The following HDAC9 variants were observed in gnomAD, a reference collection of about 807,000 sequenced individuals.
The protein encoded by HDAC9 is histone deacetylase 9.
Under a neutral mutation model 139.4 loss-of-function variants are expected in HDAC9, and 41 were observed. That is an observed-to-expected ratio of 0.29 (90% CI 0.23 to 0.38). The LOEUF (loss-of-function observed/expected upper bound fraction) is 0.38. Ranked by LOEUF, HDAC9 falls within the 10% of genes least tolerant of loss-of-function variation. The pLI is 1.00. For missense variants in HDAC9, 1,147 were observed against 1,297.0 expected, an observed-to-expected ratio of 0.88 and a Z score of 1.78; for synonymous variants, 517 against 476.2, an observed-to-expected ratio of 1.09 and a Z score of -1.12.
intron 1 of HDAC9, among the ~76,000 whole-genome samples, chr7:18,333,016 A>T (rs948739833): frequency 6.6e-6 from 1 of 151,606 alleles, no homozygotes; most frequent in Non-Finnish European, 1.5e-5. Context: ...TGCCAAATAT[A>T]GTTGCTGATA....
rs139159685 is a variant in HDAC9 at position 18,537,656 on chromosome 7, C to A, written c.22+41332C>A. Among the ~76,000 whole-genome samples, 263 of 152,172 alleles carry A rather than the reference C, an allele frequency of 1.7e-3. 2 individuals are homozygous for A. Among genetic ancestry groups the A allele is most frequent in the African/African-American group, 5.1e-3 (213 of 41,528 alleles). ...TAAAGCCAGAAGTAACCTTAAGGTT[C>A]TAAGTCCTTGGAAATTCCCTTACAT... On this transcript the variant is annotated intron_variant, in intron 2 of 25. Coordinates refer to ENST00000686413, the MANE Select transcript of HDAC9 (RefSeq NM_178425.4).
At chr7:18,253,793 C>T (rs970240098) in intron 2 of HDAC9, among the ~76,000 whole-genome samples, 1 of 152,182 alleles carries the variant, frequency 6.6e-6, no homozygotes, top group Non-Finnish European at 1.5e-5. Flanking sequence ...CCAGTGGATC[C>T]TCTGCATTTG....
intron 22 of HDAC9, among the ~76,000 whole-genome samples, chr7:18,895,232 G>A (rs543176203): frequency 2.4e-4 from 36 of 152,258 alleles, no homozygotes; most frequent in Middle Eastern, 6.8e-3. Flanking sequence ...CTCAGGCCCC[G>A]CTAGGCAGAG....
chr7:18,873,189 T>A (rs1479285854), intron 21 of HDAC9, among the ~76,000 whole-genome samples: 2 of 152,130 alleles, frequency 1.3e-5, no homozygotes, highest in Non-Finnish European at 2.9e-5. Flanking sequence ...GTATTTGAAA[T>A]TTTTAATTGT....
At chr7:18,442,727 T>C (rs1791904427) in intron 1 of HDAC9, among the ~76,000 whole-genome samples, 1 of 152,248 alleles carries the variant, frequency 6.6e-6, no homozygotes, top group South Asian at 2.1e-4. Context: ...TAGACTCTAG[T>C]GTCATGGAAA....
chr7:18,328,677 T>C (rs547736026), intron 1 of HDAC9, among the ~76,000 whole-genome samples: 1 of 152,050 alleles, frequency 6.6e-6, no homozygotes, highest in African/African-American at 2.4e-5. Flanking sequence ...GTCCTTTTAA[T>C]GTGCTTTTGA....
At chr7:18,149,828 A>C (rs2529747) in intron 1 of HDAC9, among the ~76,000 whole-genome samples, 11 of 152,034 alleles carry the variant, frequency 7.2e-5, no homozygotes, top group Non-Finnish European at 1.5e-4. Flanking sequence ...TGCTGGGATT[A>C]CAGGCATAAG....
Position 18,908,239 on chromosome 7 carries a change from TA to T in HDAC9, c.2804-27562del, listed in dbSNP as rs554234585. Among the ~76,000 whole-genome samples, 6 of 152,040 alleles carry T rather than the reference TA, an allele frequency of 3.9e-5. No individual in the cohort carries two copies. In the East Asian group the frequency reaches 5.8e-4, roughly 15 times the overall value. On this transcript the variant is annotated intron_variant, in intron 22 of 25. Coordinates refer to ENST00000686413, the MANE Select transcript of HDAC9 (RefSeq NM_178425.4). ...TAATTTTTTTATTCTTTGTACTCTT[TA>T]AAAAAAATTTTAATTGACACATAAT...
In HDAC9 at chr7:18,719,331, C is replaced by CTTTTTTTTTTTTTTTTTTTTTTTTTTT. The variant is rs757689693; in HGVS notation, c.1732-8223_1732-8222insTTTTTTTTTTTTTTTTTTTTTTTTTTT. 2.7e-4 allele frequency among the ~76,000 whole-genome samples: 20 copies of CTTTTTTTTTTTTTTTTTTTTTTTTTTT among 73,914 alleles called. 1 individual carries two copies. Among genetic ancestry groups the CTTTTTTTTTTTTTTTTTTTTTTTTTTT allele is most frequent in the African/African-American group, 4.6e-4 (7 of 15,206 alleles). The allele number at this position is 73,914 out of a possible 152,430, so 48.5% of individuals were successfully genotyped here. ...CTAATTAACCTATTTTTTTCTCTTCCTTTTTTTTTTTTTTTTTTTTTTTTT... is the reference window on the plus strand; with the variant it reads ...CTAATTAACCTATTTTTTTCTCTTCCTTTTTTTTTTTTTTTTTTTTTTTTTTTTTTTTTTTTTTTTTTTTTTTTTTTT... On this transcript the variant is annotated intron_variant, in intron 12 of 25. Coordinates refer to ENST00000686413, the MANE Select transcript of HDAC9 (RefSeq NM_178425.4).
intron 1 of HDAC9, among the ~76,000 whole-genome samples, chr7:18,436,198 C>T (rs929386219): frequency 2.6e-4 from 40 of 152,092 alleles, no homozygotes; most frequent in Non-Finnish European, 2.4e-4. Context: ...AGTAGTTTTA[C>T]AAAAATTGAT....
chr7:18,670,210 A>G (rs1320908731), intron 12 of HDAC9, among the ~76,000 whole-genome samples: 1 of 152,120 alleles, frequency 6.6e-6, no homozygotes, highest in Middle Eastern at 3.4e-3. Context: ...ACTTGGAGAT[A>G]CAAAAGAAGG....
At chr7:18,540,200 G>A (rs1410248216) in intron 2 of HDAC9, among the ~76,000 whole-genome samples, 4 of 143,776 alleles carry the variant, frequency 2.8e-5, no homozygotes, top group African/African-American at 7.8e-5. Flanking sequence ...TTGAACCCGG[G>A]AAGCGGAGGT....
chr7:18,695,499 G>A (rs1782981392), intron 12 of HDAC9, among the ~76,000 whole-genome samples: 1 of 152,168 alleles, frequency 6.6e-6, no homozygotes, highest in African/African-American at 2.4e-5. Context: ...TCTTAACACA[G>A]CATAGTGACA....
At chr7:18,920,361 T>A (rs1322210077) in intron 22 of HDAC9, among the ~76,000 whole-genome samples, 3 of 152,176 alleles carry the variant, frequency 2.0e-5, no homozygotes, top group Non-Finnish European at 2.9e-5. Context: ...GAGACTTTGC[T>A]GAAGTTGCTT....
Position 18,585,431 on chromosome 7 carries a change from A to G in HDAC9, c.173A>G (p.Gln58Arg). 1 of 1,614,012 alleles carries G rather than the reference A, an allele frequency of 6.2e-7. No homozygotes were observed. Among genetic ancestry groups the G allele is most frequent in the Non-Finnish European group, 8.5e-7 (1 of 1,179,886 alleles). The change falls in exon 3 of 26, where the codon CAA becomes CGA. Residue 58 changes from glutamine to arginine, a missense_variant. This residue lies in a region of HDAC9 where 136 missense variants were observed against 183.5 expected (regional missense o/e 0.74). Transcript: ENST00000686413. ...QELLLIQQQQ[Q>R]IQKQLLIAEF... ...TTACTTCTTATCCAGCAGCAGCAAC[A>G]AATCCAGAAGCAGCTTCTGATAGCA...
chr7:18,208,291 C>G (rs956508250), intron 2 of HDAC9, among the ~76,000 whole-genome samples: 1 of 151,658 alleles, frequency 6.6e-6, no homozygotes, highest in Non-Finnish European at 1.5e-5. Context: ...CTGCAACAAA[C>G]AAAATGACTC....
At chr7:18,809,029 A>G (rs1160103643) in intron 17 of HDAC9, among the ~76,000 whole-genome samples, 2 of 152,110 alleles carry the variant, frequency 1.3e-5, no homozygotes, top group Non-Finnish European at 2.9e-5. Context: ...GCCCAGCAGT[A>G]AAATCCACCT....
intron 1 of HDAC9, among the ~76,000 whole-genome samples, chr7:18,328,182 A>G (rs1800616667): frequency 6.6e-6 from 1 of 151,988 alleles, no homozygotes; most frequent in Non-Finnish European, 1.5e-5. Context: ...AGAGGAAACT[A>G]CACAGTAATC....
intron 2 of HDAC9, among the ~76,000 whole-genome samples, chr7:18,534,168 A>G (rs913643886): frequency 1.3e-5 from 2 of 152,276 alleles, no homozygotes; most frequent in South Asian, 2.1e-4. Context: ...TTGTGTGGCA[A>G]TTGTAGCATA....
Sources: gnomAD v4.1 joint callset for allele counts (sites outside exome capture counted in the v4.1 genomes callset) on GRCh38, gnomAD v4.1.1 for gene constraint, gnomAD v4.1.1 regional missense constraint, MANE v1.5 for transcripts, NCBI Gene and HGNC (gene_info 2026-07-23, HGNC 2026-07-21) for gene names.